SEC61A2: variants seen among roughly 807,000 people sequenced by gnomAD.
SEC61A2 encodes SEC61 translocon subunit alpha 2.
SEC61A2 carries 28 observed loss-of-function variants against 59.9 expected under a neutral mutation model. The ratio of observed to expected loss-of-function variants is 0.47; its 90% CI spans 0.35 to 0.64. The LOEUF (loss-of-function observed/expected upper bound fraction) is 0.64. SEC61A2 is among the 30% of genes least tolerant of loss of function. SEC61A2 has a pLI of 0.01. For synonymous variants in SEC61A2, 202 were observed against 214.4 expected, an observed-to-expected ratio of 0.94 and a Z score of 0.50; for missense variants, 340 against 585.9, an observed-to-expected ratio of 0.58 and a Z score of 4.33.
At position 12,161,252 on chromosome 10, in the gene SEC61A2, A is replaced by T; in HGVS notation, c.1167+131A>T. On this transcript the variant is annotated intron_variant, in intron 10 of 11. Transcript: ENST00000298428. This position sits in a 1 kb window ranked among gnomAD's most constrained non-coding sequence, Gnocchi z 5.4. ...CAGGAGTTTTGAGACCAGCCTGGGC[A>T]ACATAGCGAGACCCCGTCATGACTA... is the stretch of plus-strand genomic sequence containing the variant. The T allele has an allele frequency of 1.5e-6, 1 of 660,296 alleles. No individual in the cohort carries two copies. 40.9% of individuals were successfully genotyped at this position (660,296 alleles called of 1,614,324 possible). A position where few individuals can be genotyped will look rare whatever the true frequency, so the allele number is the denominator to read the frequency against.
At chr10:12,138,436 T>C (rs957827876) in intron 3 of SEC61A2, among the ~76,000 whole-genome samples, 1 of 152,194 alleles carries the variant, frequency 6.6e-6, no homozygotes, top group Non-Finnish European at 1.5e-5. Context: ...GCATACATTT[T>C]GAAGAGTTTT....
chr10:12,148,734 G>C (rs1424348860), intron 4 of SEC61A2, among the ~76,000 whole-genome samples: 1 of 151,144 alleles, frequency 6.6e-6, no homozygotes, highest in Admixed American at 6.6e-5. Flanking sequence ...GAGACGGCCA[G>C]GATGGTCTCA....
chr10:12,143,290 G>A lies in SEC61A2; in HGVS notation c.220+95G>A, dbSNP rs891059559. On this transcript the variant is annotated intron_variant, in intron 4 of 11. Coordinates refer to ENST00000298428, the MANE Select transcript of SEC61A2 (RefSeq NM_018144.4). The surrounding 1 kb of genome is among the most constrained non-coding windows in gnomAD (Gnocchi z 4.8). Reference sequence around the variant, plus strand: ...GAGTTTTCAATGTCTACAGGGAGGGGGAGGATATCATTGCCTAGAAAAGCC... The same window carrying A: ...GAGTTTTCAATGTCTACAGGGAGGGAGAGGATATCATTGCCTAGAAAAGCC... The A allele has an allele frequency of 2.5e-5, 22 of 888,120 alleles. No individual in the cohort carries two copies. In the Admixed American group the frequency reaches 3.8e-4, roughly 15 times the overall value. 55.0% of individuals were successfully genotyped at this position (888,120 alleles called of 1,614,324 possible). A position where few individuals can be genotyped will look rare whatever the true frequency, so the allele number is the denominator to read the frequency against.
rs1284648325 is a variant in SEC61A2, at chr10:12,156,707, A to C, written c.617-200A>C. On this transcript the variant is annotated intron_variant, in intron 7 of 11. Transcript: ENST00000298428. The surrounding 1 kb of genome is among the most constrained non-coding windows in gnomAD (Gnocchi z 5.2). The stretch of plus-strand genomic sequence containing the variant: ...AGTCTCTTGAGAAAACTTCGGATTT[A>C]TGCTATAAAAACATAGATTTGCCTC... Among the ~76,000 whole-genome samples, 1 of 152,240 alleles carries C rather than the reference A, an allele frequency of 6.6e-6. No individual in the cohort carries two copies. The highest frequency in any genetic ancestry group is 2.4e-5 in the African/African-American group (1 of 41,460).
intron 4 of SEC61A2, among the ~76,000 whole-genome samples, chr10:12,147,474 C>T (rs1834166837): frequency 6.6e-6 from 1 of 152,076 alleles, no homozygotes; most frequent in South Asian, 2.1e-4. Flanking sequence ...TACTTGAGGT[C>T]AGGAATTTGA....
In SEC61A2 at chr10:12,155,514, A is replaced by G. The variant is rs1042650771; in HGVS notation, c.463-264A>G. ...GGCTTTATTTAAACATTGCAAAAGAAACTATTCAGATAAGTGTAAATAGAC... is the reference window on the plus strand; with the variant it reads ...GGCTTTATTTAAACATTGCAAAAGAGACTATTCAGATAAGTGTAAATAGAC... On this transcript the variant is annotated intron_variant, in intron 6 of 11. Transcript: ENST00000298428. The surrounding 1 kb of genome is among the most constrained non-coding windows in gnomAD (Gnocchi z 4.3). 25 of 686,448 alleles carry G rather than the reference A, an allele frequency of 3.6e-5. No individual in the cohort carries two copies. In the African/African-American group the frequency reaches 4.2e-4, roughly 11 times the overall value. 42.5% of individuals were successfully genotyped at this position (686,448 alleles called of 1,614,324 possible).
chr10:12,155,938 C>G lies in SEC61A2; in HGVS notation c.616+7C>G. 1 of 1,614,110 alleles carries G rather than the reference C, an allele frequency of 6.2e-7. No individual in the cohort carries two copies. The highest frequency in any genetic ancestry group is 8.5e-7 in the Non-Finnish European group (1 of 1,179,958). The stretch of plus-strand genomic sequence containing the variant: ...ACCATTAACACTGGCAGAGGTACAT[C>G]GCACAGCGACTGCAACTGCACGCGT... On this transcript the variant is annotated splice_region_variant and intron_variant, in intron 7 of 11. Transcript: ENST00000298428. The surrounding 1 kb of genome is among the most constrained non-coding windows in gnomAD (Gnocchi z 4.3).
rs1564414088 is a variant in SEC61A2 at position 12,154,258 on chromosome 10, GT to G, written c.463-1519del. Among the ~76,000 whole-genome samples the G allele has an allele frequency of 1.3e-5, 2 of 152,246 alleles. No homozygotes were observed. The highest frequency in any genetic ancestry group is 3.9e-4 in the East Asian group (2 of 5,186). ...ATTATAGAAACCGTTTCTCATTTCT[GT>G]ATAATTTCTTCCTCCCTTTGGAAAA... On this transcript the variant is annotated intron_variant, in intron 6 of 11. Transcript: ENST00000298428. This position sits in a 1 kb window ranked among gnomAD's most constrained non-coding sequence, Gnocchi z 5.2.
In SEC61A2 at chr10:12,161,602, G is replaced by A. The variant is rs189113796; in HGVS notation, c.1167+481G>A. ...CTAAAAATACAAAAATTAGCTGGGC[G>A]TGGCAGCGCATGCCTGTAATCCCAG... On this transcript the variant is annotated intron_variant, in intron 10 of 11. Transcript: ENST00000298428. This position sits in a 1 kb window ranked among gnomAD's most constrained non-coding sequence, Gnocchi z 5.4. 9.0e-3 allele frequency among the ~76,000 whole-genome samples: 1,370 copies of A among 152,182 alleles called. 14 individuals carry two copies. Among genetic ancestry groups the A allele is most frequent in the Non-Finnish European group, 0.015 (1,010 of 67,984 alleles).
At chr10:12,148,141 A>G (rs1834186827) in intron 4 of SEC61A2, among the ~76,000 whole-genome samples, 1 of 151,092 alleles carries the variant, frequency 6.6e-6, no homozygotes, top group East Asian at 1.9e-4. Flanking sequence ...GGGTTTCACC[A>G]TATTGGCCAG....
intron 4 of SEC61A2, among the ~76,000 whole-genome samples, chr10:12,148,554 T>C (rs1251948553): frequency 2.7e-5 from 4 of 147,946 alleles, no homozygotes; most frequent in Admixed American, 1.4e-4. Flanking sequence ...TTTTTTTTTT[T>C]CTTTGAGATG....
rs1207034241 is a variant in SEC61A2 at position 12,129,753 on chromosome 10, C to A, written c.-35C>A. 1 of 1,488,274 alleles carries A rather than the reference C, an allele frequency of 6.7e-7. No individual in the cohort carries two copies. The highest frequency in any genetic ancestry group is 8.9e-7 in the Non-Finnish European group (1 of 1,124,234). 92.2% of individuals were successfully genotyped at this position (1,488,274 alleles called of 1,614,324 possible). A position where few individuals can be genotyped will look rare whatever the true frequency, so the allele number is the denominator to read the frequency against. On this transcript the variant is annotated 5_prime_UTR_variant, in exon 1 of 12. Coordinates refer to ENST00000298428, the MANE Select transcript of SEC61A2 (RefSeq NM_018144.4). The surrounding 1 kb of genome is among the most constrained non-coding windows in gnomAD (Gnocchi z 5.6). ...GAGTCGAGCGAAGGCAGCGCCGAGG[C>A]CGCGGTTTCCCCCTGGGCCTCCCCA... is the stretch of plus-strand genomic sequence containing the variant.
intron 4 of SEC61A2, among the ~76,000 whole-genome samples, chr10:12,146,934 C>G (rs116991366): frequency 6.6e-6 from 1 of 152,130 alleles, no homozygotes; most frequent in South Asian, 2.1e-4. Flanking sequence ...TGCTCTGTTG[C>G]CCAGGCTGGA....
At chr10:12,139,830 G>A (rs1438866146) in intron 3 of SEC61A2, among the ~76,000 whole-genome samples, 4 of 151,666 alleles carry the variant, frequency 2.6e-5, no homozygotes, top group South Asian at 2.1e-4. Context: ...TTGGCTGGGC[G>A]TGGTGGCAAA....
chr10:12,133,345 A>G (rs1833808316), intron 2 of SEC61A2, 37 bp downstream of exon 2: 1 of 1,074,914 alleles, frequency 9.3e-7, no homozygotes, highest in African/African-American at 1.6e-5. Context: ...AGGGTAGCTC[A>G]AGGGCTTGTT....
chr10:12,130,121 G>T (rs1797623782), intron 1 of SEC61A2, among the ~76,000 whole-genome samples: 1 of 152,158 alleles, frequency 6.6e-6, no homozygotes, highest in Non-Finnish European at 1.5e-5. Context: ...AGGAGTTAAA[G>T]AAATCCCGTG....
chr10:12,137,581 A>AT (rs1833917502), intron 3 of SEC61A2, among the ~76,000 whole-genome samples: 1 of 152,222 alleles, frequency 6.6e-6, no homozygotes, highest in Admixed American at 6.5e-5. Flanking sequence ...CTGGGATTAC[A>AT]TGCCTGAGCC....
chr10:12,132,295 C>T (rs554745850), intron 1 of SEC61A2, among the ~76,000 whole-genome samples: 33 of 147,814 alleles, frequency 2.2e-4, no homozygotes, highest in Non-Finnish European at 4.0e-4. Context: ...AGGGAGAATC[C>T]GTCTCAAAAA....
chr10:12,133,303 A>G lies in SEC61A2; in HGVS notation c.70A>G (p.Arg24Gly), dbSNP rs953420199. ...TCTACCAGAAATTCAGAAACCGGAA[A>G]GGAAAGTAAGTATAATATTTTAGTA... ...AVLPEIQKPE[R>G]KIQFREKVLW... The change falls in exon 2 of 12, where the codon AGG becomes GGG. Residue 24 changes from arginine (R) to glycine (G), a missense_variant. Physicochemically the swap from Arg to Gly is moderately radical, Grantham distance 125. Coordinates refer to ENST00000298428, the MANE Select transcript of SEC61A2 (RefSeq NM_018144.4). 3.2e-5 allele frequency: 49 copies of G among 1,532,418 alleles called. No homozygotes were observed. Among genetic ancestry groups the G allele is most frequent in the Non-Finnish European group, 4.3e-5 (48 of 1,108,994 alleles). The allele number at this position is 1,532,418 out of a possible 1,614,324, so 94.9% of individuals were successfully genotyped here. A position where few individuals can be genotyped will look rare whatever the true frequency, so the allele number is the denominator to read the frequency against.
Sources: gnomAD v4.1 joint callset for allele counts (sites outside exome capture counted in the v4.1 genomes callset) on GRCh38, gnomAD v4.1.1 for gene constraint, Gnocchi (gnomAD v3.1) non-coding constraint, MANE v1.5 for transcripts, NCBI Gene and HGNC (gene_info 2026-07-23, HGNC 2026-07-21) for gene names.